ABHD2: variants seen among roughly 807,000 people sequenced by gnomAD.
The protein encoded by ABHD2 is monoacylglycerol lipase ABHD2.
Under a neutral mutation model 48.1 loss-of-function variants are expected in ABHD2, and 20 were observed. The ratio of observed to expected loss-of-function variants is 0.42; its 90% CI spans 0.29 to 0.60. ABHD2 has a LOEUF of 0.60. ABHD2 is among the 20% of genes least tolerant of loss of function. The probability of loss-of-function intolerance (pLI) is 0.24; values close to 1 mark genes in which losing one functional copy is unlikely to be tolerated. For missense variants in ABHD2, 405 were observed against 550.9 expected, an observed-to-expected ratio of 0.74 and a Z score of 2.65; for synonymous variants, 209 against 214.2, an observed-to-expected ratio of 0.98 and a Z score of 0.21.
At chr15:89,158,954 G>T (rs549717128) in intron 5 of ABHD2, among the ~76,000 whole-genome samples, 2 of 151,896 alleles carry the variant, frequency 1.3e-5, no homozygotes, top group African/African-American at 4.8e-5. Context: ...GTGAGCCACC[G>T]TGCCAGCCAG....
chr15:89,164,198 A>G lies in ABHD2; in HGVS notation c.538+8664A>G, dbSNP rs1009556277. Among the ~76,000 whole-genome samples, 3 of 152,184 alleles carry G rather than the reference A, an allele frequency of 2.0e-5. No homozygotes were observed. The South Asian group carries it at 6.2e-4, about 31-fold the overall frequency. ...CCTGCCTTCAGGAAGATCCCAGTCT[A>G]TGAGGAACTCTCACCATCTAGTTGG... On this transcript the variant is annotated intron_variant, in intron 5 of 10. Transcript: ENST00000352732. The surrounding 1 kb of genome is among the most constrained non-coding windows in gnomAD (Gnocchi z 5.0).
chr15:89,202,011 G>T lies in ABHD2; in HGVS notation c.*6588G>T. ...TTCTGATTTTGTTTTGTTTTGTTTG[G>T]GTTTTCTGAAACTTAAAATGCTGCC... is the stretch of plus-strand genomic sequence containing the variant. On this transcript the variant is annotated 3_prime_UTR_variant, in exon 11 of 11. Transcript: ENST00000352732. 4.7e-6 allele frequency: 2 copies of T among 426,650 alleles called. No individual in the cohort carries two copies. The highest frequency in any genetic ancestry group is 8.4e-6 in the Non-Finnish European group (2 of 237,032). The allele number at this position is 426,650 out of a possible 1,614,324, so 26.4% of individuals were successfully genotyped here. A position where few individuals can be genotyped will look rare whatever the true frequency, so the allele number is the denominator to read the frequency against.
chr15:89,131,037 C>T (rs2050211076), intron 3 of ABHD2, among the ~76,000 whole-genome samples: 1 of 152,198 alleles, frequency 6.6e-6, no homozygotes, highest in African/African-American at 2.4e-5. Context: ...TGCAGGACGT[C>T]ATCAGCTTTC....
At position 89,201,545 on chromosome 15, in the gene ABHD2, A is replaced by G. The variant is rs11555210; in HGVS notation, c.*6122A>G. 2 of 1,595,188 alleles carry G rather than the reference A, an allele frequency of 1.3e-6. No individual in the cohort carries two copies. The highest frequency in any genetic ancestry group is 4.5e-5 in the East Asian group (2 of 44,790). On this transcript the variant is annotated 3_prime_UTR_variant, in exon 11 of 11. Coordinates refer to ENST00000352732, the MANE Select transcript of ABHD2 (RefSeq NM_152924.5). ...ACTTGTGTTTACTCTTTTCATTCGG[A>G]TCATAGTCAAAGGGCTGTAGCATTA...
At chr15:89,058,782 C>G in the ABHD2 span, among the ~76,000 whole-genome samples, 11 of 152,170 alleles carry the variant, frequency 7.2e-5, no homozygotes, top group Admixed American at 3.3e-4. Flanking sequence ...AGTATCTGCC[C>G]TTGAAGCCTT....
At chr15:89,145,713 C>G (rs1174717149) in intron 3 of ABHD2, among the ~76,000 whole-genome samples, 1 of 152,218 alleles carries the variant, frequency 6.6e-6, no homozygotes, top group Admixed American at 6.5e-5. Context: ...GTGTCGCCCA[C>G]CCACTCTGAA....
the ABHD2 span, among the ~76,000 whole-genome samples, chr15:89,073,025 A>G: frequency 6.6e-6 from 1 of 152,178 alleles, no homozygotes; most frequent in East Asian, 1.9e-4. Context: ...AGACATACTT[A>G]TACTAAAAAA....
chr15:89,113,355 G>A (rs189364304), intron 1 of ABHD2, among the ~76,000 whole-genome samples: 1 of 152,204 alleles, frequency 6.6e-6, no homozygotes, highest in Non-Finnish European at 1.5e-5. Context: ...GTGCTGTCTC[G>A]ATCTCAAGCC....
At chr15:89,089,889 C>T (rs1461055295) in intron 1 of ABHD2, among the ~76,000 whole-genome samples, 5 of 152,218 alleles carry the variant, frequency 3.3e-5, no homozygotes, top group African/African-American at 9.6e-5. Context: ...GTAGTCAGCA[C>T]GGACTGTGAC....
At chr15:89,103,277 G>A (rs180718687) in intron 1 of ABHD2, among the ~76,000 whole-genome samples, 5 of 152,276 alleles carry the variant, frequency 3.3e-5, no homozygotes, top group African/African-American at 1.2e-4. Flanking sequence ...GCAGCTTTCT[G>A]CTAAAGAGCT....
intron 3 of ABHD2, among the ~76,000 whole-genome samples, chr15:89,134,117 C>T (rs889353502): frequency 1.5e-4 from 23 of 152,270 alleles, no homozygotes; most frequent in African/African-American, 3.8e-4. Flanking sequence ...GGATTACAGG[C>T]GTGAGCCACG....
At chr15:89,060,882 C>T in the ABHD2 span, among the ~76,000 whole-genome samples, 8 of 151,664 alleles carry the variant, frequency 5.3e-5, 1 homozygote, top group Non-Finnish European at 8.8e-5. Context: ...CAATGTGGAT[C>T]GAGAGTATTT....
the ABHD2 span, among the ~76,000 whole-genome samples, chr15:89,061,595 C>G: frequency 6.6e-6 from 1 of 151,710 alleles, no homozygotes; most frequent in Non-Finnish European, 1.5e-5. Context: ...TTTTCTGAGA[C>G]AAGGTCTCAC....
At chr15:89,144,117 T>C (rs1050143275) in intron 3 of ABHD2, among the ~76,000 whole-genome samples, 10 of 152,186 alleles carry the variant, frequency 6.6e-5, no homozygotes, top group Admixed American at 5.2e-4. Context: ...TAGCCAAAAA[T>C]TGGAAACCAT....
Position 89,184,412 on chromosome 15 carries a change from C to G in ABHD2, c.723-1012C>G, listed in dbSNP as rs955743413. ...TGGAACCTAGTAGAAGTAGTGACGT[C>G]CAGATCCATTCACAGGGTGGAGTCA... On this transcript the variant is annotated intron_variant, in intron 6 of 10. Coordinates refer to ENST00000352732, the MANE Select transcript of ABHD2 (RefSeq NM_152924.5). This position sits in a 1 kb window ranked among gnomAD's most constrained non-coding sequence, Gnocchi z 5.1. Among the ~76,000 whole-genome samples, 3 of 152,214 alleles carry G rather than the reference C, an allele frequency of 2.0e-5. No homozygotes were observed. In the East Asian group the frequency reaches 5.8e-4, roughly 29 times the overall value.
intron 1 of ABHD2, among the ~76,000 whole-genome samples, chr15:89,096,508 A>G (rs2049615590): frequency 1.3e-5 from 2 of 152,232 alleles, no homozygotes; most frequent in South Asian, 4.1e-4. Flanking sequence ...CCTGAGTTTG[A>G]AAGACCCCAG....
rs553950996 is a variant in ABHD2, at chr15:89,146,912, A to G, written c.195-4765A>G. Among the ~76,000 whole-genome samples, 6 of 152,340 alleles carry G rather than the reference A, an allele frequency of 3.9e-5. No individual in the cohort carries two copies. The South Asian group carries it at 1.0e-3, about 26-fold the overall frequency. ...ATCAAAAATCTAAAATTTTTATAGA[A>G]CTAAACAAGCTAATCCTATAATTAA... On this transcript the variant is annotated intron_variant, in intron 3 of 10. Coordinates refer to ENST00000352732, the MANE Select transcript of ABHD2 (RefSeq NM_152924.5). This position sits in a 1 kb window ranked among gnomAD's most constrained non-coding sequence, Gnocchi z 4.2.
rs2049589046 is a variant in ABHD2 at position 89,094,963 on chromosome 15, C to T, written c.-107+6400C>T. On this transcript the variant is annotated intron_variant, in intron 1 of 10. Coordinates refer to ENST00000352732, the MANE Select transcript of ABHD2 (RefSeq NM_152924.5). The surrounding 1 kb of genome is among the most constrained non-coding windows in gnomAD (Gnocchi z 4.7). ...CTCAGAATCCCAGCTACTCGGGAAG[C>T]TGAAGCAGGAGAATCACTTGAACCC... is the stretch of plus-strand genomic sequence containing the variant. 6.7e-6 allele frequency among the ~76,000 whole-genome samples: 1 copy of T among 148,446 alleles called. No homozygotes were observed. The highest frequency in any genetic ancestry group is 2.1e-4 in the South Asian group (1 of 4,762).
In ABHD2 at chr15:89,167,638, T is replaced by C. The variant is rs557078144; in HGVS notation, c.539-8174T>C. Reference sequence around the variant, plus strand: ...GGCTGAAAACACTCATTTTTTAAAATCCTTATTTCAGAGATAAGGGCAAGG... The same window carrying C: ...GGCTGAAAACACTCATTTTTTAAAACCCTTATTTCAGAGATAAGGGCAAGG... On this transcript the variant is annotated intron_variant, in intron 5 of 10. Coordinates refer to ENST00000352732, the MANE Select transcript of ABHD2 (RefSeq NM_152924.5). This position sits in a 1 kb window ranked among gnomAD's most constrained non-coding sequence, Gnocchi z 5.5. Among the ~76,000 whole-genome samples, 126 of 152,310 alleles carry C rather than the reference T, an allele frequency of 8.3e-4. No homozygotes were observed. The highest frequency in any genetic ancestry group is 3.0e-3 in the African/African-American group (124 of 41,576).
Sources: allele counts gnomAD v4.1 joint callset (sites outside exome capture counted in the v4.1 genomes callset), GRCh38; gene constraint gnomAD v4.1.1; non-coding constraint Gnocchi (gnomAD v3.1); transcripts MANE v1.5; gene names NCBI Gene and HGNC (gene_info 2026-07-23, HGNC 2026-07-21).